TBL1X: variants seen among roughly 807,000 people sequenced by gnomAD.
TBL1X encodes F-box-like/WD repeat-containing protein TBL1X.
In TBL1X, 10 loss-of-function variants were observed where a neutral mutation model predicts 50.7. That is an observed-to-expected ratio of 0.20 (90% CI 0.12 to 0.33). The LOEUF (loss-of-function observed/expected upper bound fraction) is 0.33. Among genes scored for constraint, TBL1X ranks in the 10% least tolerant of loss-of-function variants. The pLI, the probability that TBL1X is intolerant of heterozygous loss-of-function variation, is 1.00. For missense variants in TBL1X, 340 were observed against 504.4 expected, an observed-to-expected ratio of 0.67 and a Z score of 3.12; for synonymous variants, 190 against 214.7, an observed-to-expected ratio of 0.88 and a Z score of 1.01.
intron 1 of TBL1X, among the ~76,000 whole-genome samples, chrX:9,492,875 GTGTGTGTGTGTGTGTGTGT>G (rs746188148): frequency 0.015 from 722 of 49,644 alleles, 11 homozygotes; most frequent in African/African-American, 0.023. Flanking sequence ...GTGTGTGTGT[GTGTGTGTGTGTGTGTGTGT>G]GTGTAGGGGA....
At chrX:9,531,741 T>C (rs1332520136) in intron 2 of TBL1X, among the ~76,000 whole-genome samples, 1 of 108,696 alleles carries the variant, frequency 9.2e-6, no homozygotes, top group Non-Finnish European at 1.9e-5. Flanking sequence ...GCTCTTTTTT[T>C]TTTCTTTTTG....
chrX:9,716,659 A>AT lies in TBL1X; in HGVS notation c.*425dup, dbSNP rs374398865. On this transcript the variant is annotated 3_prime_UTR_variant, in exon 18 of 18. Coordinates refer to ENST00000645353, the MANE Select transcript of TBL1X (RefSeq NM_005647.4). Reference sequence around the variant, plus strand: ...AGGGGGAAAAACCCTCCTCCTTGGGATTTTTTTTTTTTGTTTTCCCTAACA... The same window carrying AT: ...AGGGGGAAAAACCCTCCTCCTTGGGATTTTTTTTTTTTTGTTTTCCCTAACA... The AT allele has an allele frequency of 1.2e-3, 130 of 111,686 alleles. No homozygotes were observed. The highest frequency in any genetic ancestry group is 2.7e-3 in the East Asian group (10 of 3,649). 9.2% of individuals were successfully genotyped at this position (111,686 alleles called of 1,213,427 possible).
At chrX:9,689,541 C>T (rs1342607989) in intron 7 of TBL1X, among the ~76,000 whole-genome samples, 1 of 111,997 alleles carries the variant, frequency 8.9e-6, no homozygotes, top group African/African-American at 3.2e-5. Context: ...TCTGGCCCTC[C>T]TCCTCTGTGC....
chrX:9,609,640 G>A (rs927101879), intron 2 of TBL1X, among the ~76,000 whole-genome samples: 5 of 110,866 alleles, frequency 4.5e-5, no homozygotes, highest in Admixed American at 9.6e-5. Flanking sequence ...GAACTGGAGG[G>A]CTCTTGAGAC....
intron 1 of TBL1X, among the ~76,000 whole-genome samples, chrX:9,481,726 A>T (rs1463585844): frequency 8.9e-6 from 1 of 112,139 alleles, no homozygotes; most frequent in Non-Finnish European, 1.9e-5. Flanking sequence ...AGGAGCTCCA[A>T]GTTATCTTGA....
At chrX:9,688,304 G>A in intron 7 of TBL1X, 29 bp downstream of exon 7, 1 of 1,090,515 alleles carries the variant, frequency 9.2e-7, no homozygotes, top group Non-Finnish European at 1.2e-6. Context: ...GGAGTTCGGT[G>A]GGCCTCTCTG....
chrX:9,612,279 A>G (rs1294944051), intron 2 of TBL1X, among the ~76,000 whole-genome samples: 1 of 111,494 alleles, frequency 9.0e-6, no homozygotes, highest in African/African-American at 3.3e-5. Flanking sequence ...GTGGCCTAAA[A>G]AACTGAAAGC....
chrX:9,710,110 A>G (rs746209987), intron 15 of TBL1X, among the ~76,000 whole-genome samples: 10 of 101,245 alleles, frequency 9.9e-5, no homozygotes, highest in African/African-American at 3.6e-4. Context: ...CCAGCTACTC[A>G]GGAGGCTGAG....
intron 2 of TBL1X, among the ~76,000 whole-genome samples, chrX:9,557,693 G>T (rs1188217015): frequency 9.0e-6 from 1 of 111,536 alleles, no homozygotes; most frequent in Admixed American, 9.5e-5. Context: ...GAAGCAGGCA[G>T]AGGAAATATG....
intron 2 of TBL1X, among the ~76,000 whole-genome samples, chrX:9,568,592 A>G (rs1311649666): frequency 2.1e-5 from 2 of 94,590 alleles, no homozygotes; most frequent in African/African-American, 8.0e-5. Flanking sequence ...CTATCTGTGC[A>G]GTGTGCTGTG....
At chrX:9,603,494 C>T (rs1445385907) in intron 2 of TBL1X, among the ~76,000 whole-genome samples, 1 of 112,144 alleles carries the variant, frequency 8.9e-6, no homozygotes, top group Non-Finnish European at 1.9e-5. Flanking sequence ...GATTTTGGAT[C>T]TTGTACACTC....
chrX:9,601,395 A>C (rs780898446), intron 2 of TBL1X, among the ~76,000 whole-genome samples: 1 of 111,292 alleles, frequency 9.0e-6, no homozygotes, highest in East Asian at 2.8e-4. Context: ...GCAAAGATAC[A>C]GGGGTAGCTG....
intron 2 of TBL1X, among the ~76,000 whole-genome samples, chrX:9,624,684 C>CT (rs1293789143): frequency 9.0e-6 from 1 of 111,553 alleles, no homozygotes; most frequent in Non-Finnish European, 1.9e-5. Context: ...AAGAAGCAGC[C>CT]TGTTTTCTAT....
At chrX:9,677,898 A>G (rs768042423) in intron 5 of TBL1X, among the ~76,000 whole-genome samples, 16 of 112,014 alleles carry the variant, frequency 1.4e-4, no homozygotes. Flanking sequence ...CATGGGTCAG[A>G]AAAGGGAGCT....
chrX:9,614,608 TC>T (rs1426235705), intron 2 of TBL1X, among the ~76,000 whole-genome samples: 1 of 111,828 alleles, frequency 8.9e-6, no homozygotes, highest in Non-Finnish European at 1.9e-5. Flanking sequence ...TCAAGGCTCA[TC>T]TGACTTGGAA....
chrX:9,633,940 A>G (rs1299641213), intron 2 of TBL1X, among the ~76,000 whole-genome samples: 2 of 111,412 alleles, frequency 1.8e-5, no homozygotes, highest in East Asian at 5.6e-4. Context: ...AGGGGTTCAC[A>G]GGATACGTGC....
At chrX:9,651,413 G>T (rs2067231815) in intron 3 of TBL1X, among the ~76,000 whole-genome samples, 1 of 111,669 alleles carries the variant, frequency 9.0e-6, no homozygotes, top group African/African-American at 3.3e-5. Flanking sequence ...GCCTTCCATT[G>T]TTCAGTCACC....
intron 2 of TBL1X, among the ~76,000 whole-genome samples, chrX:9,580,664 A>T (rs1330789295): frequency 1.8e-5 from 2 of 111,361 alleles, no homozygotes; most frequent in East Asian, 5.6e-4. Flanking sequence ...TAAGGTAGAC[A>T]TTGGTTCAGT....
At chrX:9,512,701 G>A (rs1243006123) in intron 2 of TBL1X, among the ~76,000 whole-genome samples, 3 of 110,901 alleles carry the variant, frequency 2.7e-5, no homozygotes, top group South Asian at 7.6e-4. Flanking sequence ...GTTTCACCAC[G>A]TTGGCCAGGC....
Sources: allele counts gnomAD v4.1 joint callset (sites outside exome capture counted in the v4.1 genomes callset), GRCh38; gene constraint gnomAD v4.1.1; transcripts MANE v1.5; gene names NCBI Gene and HGNC (gene_info 2026-07-23, HGNC 2026-07-21).